The following RNF220 variants were observed in gnomAD, a reference collection of about 807,000 sequenced individuals.
The protein encoded by RNF220 is ring finger protein 220.
RNF220 carries 7 observed loss-of-function variants against 67.1 expected under a neutral mutation model. The observed-to-expected ratio is 0.10, with a 90% CI of 0.06 to 0.20. The LOEUF (loss-of-function observed/expected upper bound fraction) is 0.20. Among genes scored for constraint, RNF220 ranks in the 10% least tolerant of loss-of-function variants. The pLI, the probability that RNF220 is intolerant of heterozygous loss-of-function variation, is 1.00. For synonymous variants in RNF220, 270 were observed against 283.2 expected (o/e 0.95, Z 0.47); for missense variants, 565 against 740.3 (o/e 0.76, Z 2.75).
chr1:44,443,636 C>T (rs1651782309), intron 2 of RNF220, among the ~76,000 whole-genome samples: 1 of 152,226 alleles, frequency 6.6e-6, no homozygotes, highest in African/African-American at 2.4e-5. Context: ...ATAAGCATAT[C>T]TTGCAGTATG....
At chr1:44,492,804 AG>A (rs754416330) in intron 2 of RNF220, among the ~76,000 whole-genome samples, 3 of 152,152 alleles carry the variant, frequency 2.0e-5, no homozygotes, top group Non-Finnish European at 4.4e-5. Context: ...TATGGATTTC[AG>A]GGGTGATGAA....
chr1:44,594,468 G>T (rs1666335884), intron 2 of RNF220, among the ~76,000 whole-genome samples: 1 of 152,226 alleles, frequency 6.6e-6, no homozygotes, highest in Admixed American at 6.5e-5. Context: ...AAATGGCCTT[G>T]CAGGGAGAGT....
At chr1:44,435,353 C>G in intron 2 of RNF220, among the ~76,000 whole-genome samples, 1 of 152,190 alleles carries the variant, frequency 6.6e-6, no homozygotes, top group East Asian at 1.9e-4. Context: ...AGATGACTCA[C>G]TGTTTTGTTT....
chr1:44,635,624 G>A (rs77829471), intron 7 of RNF220, 36 bp downstream of exon 7: 16,885 of 1,614,136 alleles, frequency 0.01, 120 homozygotes, highest in Non-Finnish European at 0.013. Context: ...TGGCAGGATC[G>A]GAGCAGGAGA....
intron 2 of RNF220, among the ~76,000 whole-genome samples, chr1:44,553,270 G>A (rs1303118545): frequency 6.6e-6 from 1 of 152,074 alleles, no homozygotes; most frequent in East Asian, 1.9e-4. Context: ...TGTGTTCTTA[G>A]TGACATCAGG....
Position 44,636,063 on chromosome 1 carries a change from G to T in RNF220, c.1027G>T (p.Val343Leu), listed in dbSNP as rs777202304. The T allele has an allele frequency of 5.0e-6, 8 of 1,614,268 alleles. No individual in the cohort carries two copies. Among genetic ancestry groups the T allele is most frequent in the Non-Finnish European group, 6.8e-6 (8 of 1,180,050 alleles). Residue 343 changes from valine to leucine, a missense_variant, in exon 8 of 15, where the codon GTG (valine) becomes TTG (leucine). Val to Leu is a conservative substitution (Grantham distance 32). Transcript: ENST00000361799. ...CTCCTGCATGGCTGAGGATGATGCT[G>T]TGGACATCGAGCATGAGAACAACAA... ...EGSCMAEDDA[V>L]DIEHENNNRF...
chr1:44,414,261 G>A (rs1411753689), intron 2 of RNF220, among the ~76,000 whole-genome samples: 1 of 152,232 alleles, frequency 6.6e-6, no homozygotes, highest in African/African-American at 2.4e-5. Flanking sequence ...GTCCAGTGAT[G>A]TGCAAGTGAT....
chr1:44,479,217 G>A (rs1226312461), intron 2 of RNF220, among the ~76,000 whole-genome samples: 1 of 151,288 alleles, frequency 6.6e-6, no homozygotes, highest in African/African-American at 2.4e-5. Flanking sequence ...CCGGGTTCAC[G>A]CCATTCTCCT....
intron 2 of RNF220, among the ~76,000 whole-genome samples, chr1:44,441,218 T>C (rs1572511437): frequency 6.6e-6 from 1 of 152,070 alleles, no homozygotes; most frequent in Non-Finnish European, 1.5e-5. Flanking sequence ...TGCCTCCCCA[T>C]CCCTAAGCAG....
chr1:44,526,470 A>AACTCAGTACTACTCAGTACTTGTGTCCTG (rs1184032934), intron 2 of RNF220, among the ~76,000 whole-genome samples: 1 of 152,056 alleles, frequency 6.6e-6, no homozygotes, highest in African/African-American at 2.4e-5. Context: ...ATTGTCCCCT[A>AACTCAGTACTACTCAGTACTTGTGTCCTG]ACTCAGTACT....
rs1157973449 is a variant in RNF220, at chr1:44,412,718, C to T, written c.621C>T (p.Asp207=). The change falls in exon 2 of 15, where the codon GAC becomes GAT. Residue 207 remains aspartate (D), a synonymous_variant. Transcript: ENST00000361799. This position sits in a 1 kb window ranked among gnomAD's most constrained non-coding sequence, Gnocchi z 5.3. ...CATCTAGCCCAGAGGATCGGAATGA[C>T]AGATGTAAGTACTTTGGTTCCAGCC... is the stretch of plus-strand genomic sequence containing the variant. ...EASSSPEDRN[D]RCKKKAAALF... is the part of the protein sequence containing the mutation. 1 of 1,613,354 alleles carries T rather than the reference C, an allele frequency of 6.2e-7. No individual in the cohort carries two copies. The highest frequency in any genetic ancestry group is 2.2e-5 in the East Asian group (1 of 44,874).
intron 2 of RNF220, among the ~76,000 whole-genome samples, chr1:44,428,320 C>A (rs923208949): frequency 9.2e-5 from 14 of 152,160 alleles, no homozygotes; most frequent in Non-Finnish European, 1.8e-4. Flanking sequence ...TGTTCACCAG[C>A]TATTTTGAGG....
At chr1:44,425,626 C>T (rs965242180) in intron 2 of RNF220, among the ~76,000 whole-genome samples, 6 of 152,148 alleles carry the variant, frequency 3.9e-5, no homozygotes, top group Admixed American at 2.0e-4. Context: ...ATTTACTAGC[C>T]GTGTGATGCT....
intron 2 of RNF220, among the ~76,000 whole-genome samples, chr1:44,552,106 C>A (rs1662683906): frequency 6.6e-6 from 1 of 152,188 alleles, no homozygotes. Context: ...GTCCTATAAG[C>A]CTCATCTAAG....
intron 2 of RNF220, among the ~76,000 whole-genome samples, chr1:44,519,253 T>C (rs186645801): frequency 1.3e-5 from 2 of 152,338 alleles, no homozygotes; most frequent in Admixed American, 6.5e-5. Context: ...TATTTAGTCA[T>C]TAATCAACAA....
chr1:44,596,375 A>T (rs564692665), intron 2 of RNF220, among the ~76,000 whole-genome samples: 1 of 152,208 alleles, frequency 6.6e-6, no homozygotes, highest in South Asian at 2.1e-4. Flanking sequence ...CAGCCTGGCC[A>T]ATATGGTGAA....
At chr1:44,598,959 A>C (rs1572998717) in intron 2 of RNF220, among the ~76,000 whole-genome samples, 1 of 149,026 alleles carries the variant, frequency 6.7e-6, no homozygotes, top group Non-Finnish European at 1.5e-5. Flanking sequence ...CACTTCCCCC[A>C]CCCCATCTCT....
At chr1:44,520,269 T>C (rs1659827491) in intron 2 of RNF220, among the ~76,000 whole-genome samples, 1 of 151,944 alleles carries the variant, frequency 6.6e-6, no homozygotes, top group Admixed American at 6.6e-5. Context: ...GAGACCGTCC[T>C]GGCTAACACA....
At chr1:44,605,991 C>A (rs1465867088) in intron 2 of RNF220, among the ~76,000 whole-genome samples, 1 of 152,232 alleles carries the variant, frequency 6.6e-6, no homozygotes. Context: ...CAGCTAAATA[C>A]ATATCTCTCC....
Sources: allele counts gnomAD v4.1 joint callset (sites outside exome capture counted in the v4.1 genomes callset), GRCh38; gene constraint gnomAD v4.1.1; non-coding constraint Gnocchi (gnomAD v3.1); transcripts MANE v1.5; gene names NCBI Gene and HGNC (gene_info 2026-07-23, HGNC 2026-07-21).